Variants in PIGN observed in about 807,000 individuals in gnomAD.
The protein encoded by PIGN is GPI ethanolamine phosphate transferase 1.
PIGN carries 117 observed loss-of-function variants against 125.4 expected under a neutral mutation model. The ratio of observed to expected loss-of-function variants is 0.93; its 90% CI spans 0.80 to 1.09. PIGN has a LOEUF of 1.09. Among genes scored for constraint, PIGN ranks in the 50% least tolerant of loss-of-function variants. The pLI is 0.00. For missense variants in PIGN, 1,075 were observed against 1,094.9 expected, an observed-to-expected ratio of 0.98 and a Z score of 0.26; for synonymous variants, 392 against 377.8, an observed-to-expected ratio of 1.04 and a Z score of -0.44.
chr18:62,143,407 G>A (rs754512550), intron 10 of PIGN, 61 bp from the exon 11 acceptor site: 1 of 1,063,294 alleles, frequency 9.4e-7, no homozygotes, highest in Admixed American at 2.0e-5. Flanking sequence ...TAAATCATTT[G>A]ATTTTTAGGA....
chr18:62,031,459 T>C (rs1168199994), intron 23 of PIGN, among the ~76,000 whole-genome samples: 1 of 152,144 alleles, frequency 6.6e-6, no homozygotes, highest in African/African-American at 2.4e-5. Flanking sequence ...GAATAAAAAG[T>C]AGGGATGAAC....
chr18:62,054,120 C>T (rs1403387864), intron 30 of PIGN, among the ~76,000 whole-genome samples: 1 of 152,186 alleles, frequency 6.6e-6, no homozygotes. Context: ...GAAGCAGACC[C>T]ATGCAAATCT....
chr18:62,131,376 A>AT (rs1312211863), intron 14 of PIGN, among the ~76,000 whole-genome samples: 3 of 151,938 alleles, frequency 2.0e-5, no homozygotes, highest in African/African-American at 7.2e-5. Context: ...ATTCTGTGGC[A>AT]TTTTTTCTTT....
At chr18:62,141,138 C>G (rs932342740) in intron 11 of PIGN, among the ~76,000 whole-genome samples, 1 of 152,150 alleles carries the variant, frequency 6.6e-6, no homozygotes, top group African/African-American at 2.4e-5. Context: ...ATCTAATTGA[C>G]TATGTTTATG....
At chr18:62,105,992 T>A (rs2146415418) in intron 19 of PIGN, among the ~76,000 whole-genome samples, 1 of 152,266 alleles carries the variant, frequency 6.6e-6, no homozygotes, top group East Asian at 1.9e-4. Context: ...CCATGACAAG[T>A]AAATAAAATA....
At chr18:62,119,729 A>G (rs2146726692) in intron 14 of PIGN, among the ~76,000 whole-genome samples, 1 of 152,100 alleles carries the variant, frequency 6.6e-6, no homozygotes, top group African/African-American at 2.4e-5. Flanking sequence ...CTTTAAACCC[A>G]GCTACTCAGG....
At chr18:62,102,259 C>A (rs930431149) in intron 21 of PIGN, among the ~76,000 whole-genome samples, 1 of 147,682 alleles carries the variant, frequency 6.8e-6, no homozygotes, top group Admixed American at 6.9e-5. Flanking sequence ...AAAAAAACCA[C>A]ACAAACTGAA....
chr18:62,135,668 G>A (rs1174200678), intron 14 of PIGN: 1 of 140,178 alleles, frequency 7.1e-6, no homozygotes, highest in Non-Finnish European at 1.5e-5. Context: ...CTGTTGCTCA[G>A]GCTGGAGTGC....
At chr18:62,116,579 T>C (rs1157489506) in intron 14 of PIGN, among the ~76,000 whole-genome samples, 1 of 152,234 alleles carries the variant, frequency 6.6e-6, no homozygotes, top group Non-Finnish European at 1.5e-5. Flanking sequence ...CTTTATGGTC[T>C]ACTCCAAATC....
At chr18:62,077,710 T>C (rs1223850403) in intron 28 of PIGN, among the ~76,000 whole-genome samples, 1 of 152,198 alleles carries the variant, frequency 6.6e-6, no homozygotes, top group African/African-American at 2.4e-5. Context: ...TTCTCACTCC[T>C]TAAACAAAAG....
intron 4 of PIGN, among the ~76,000 whole-genome samples, chr18:62,160,595 C>A (rs1423140960): frequency 6.6e-6 from 1 of 151,826 alleles, no homozygotes; most frequent in East Asian, 1.9e-4. Flanking sequence ...CGGCTCACTG[C>A]AACCTCTGCC....
At chr18:62,096,057 G>A (rs1308462128) in intron 22 of PIGN, 107 bp from the exon 23 acceptor site, 1 of 572,108 alleles carries the variant, frequency 1.7e-6, no homozygotes, top group African/African-American at 1.9e-5. Flanking sequence ...CACTTTGGGA[G>A]GCCGAGGTGG....
At chr18:62,157,635 A>G (rs2036786320) in intron 5 of PIGN, 52 bp downstream of exon 5, 1 of 1,524,930 alleles carries the variant, frequency 6.6e-7, no homozygotes, top group African/African-American at 1.4e-5. Flanking sequence ...TAAAGGACTA[A>G]TATTTACTTG....
At chr18:62,074,414 C>A (rs568096438) in intron 29 of PIGN, among the ~76,000 whole-genome samples, 2 of 152,188 alleles carry the variant, frequency 1.3e-5, no homozygotes, top group South Asian at 4.1e-4. Flanking sequence ...TTCCCTCCCT[C>A]TTTTCCTTTC....
At chr18:62,183,843 T>TAA (rs11402487) in intron 1 of PIGN, among the ~76,000 whole-genome samples, 101 of 146,768 alleles carry the variant, frequency 6.9e-4, no homozygotes, top group East Asian at 2.5e-3. Flanking sequence ...GAAAATACTT[T>TAA]AAAAAAAAAA....
intron 1 of PIGN, among the ~76,000 whole-genome samples, chr18:62,182,526 G>T (rs987535918): frequency 6.6e-6 from 1 of 152,010 alleles, no homozygotes; most frequent in Admixed American, 6.6e-5. Context: ...TGTGTTTCTT[G>T]AATCTGTTCA....
chr18:62,081,499 T>C (rs1467994227), intron 28 of PIGN, among the ~76,000 whole-genome samples: 1 of 152,186 alleles, frequency 6.6e-6, no homozygotes. Context: ...GAGCCACCTT[T>C]GCCTCAGTTC....
At chr18:62,168,403 A>T (rs1388453934) in intron 1 of PIGN, among the ~76,000 whole-genome samples, 1 of 151,672 alleles carries the variant, frequency 6.6e-6, no homozygotes, top group East Asian at 1.9e-4. Context: ...CATTTCCCCT[A>T]TTTGTTCTTT....
At chr18:62,088,945 C>T (rs1256571698) in intron 24 of PIGN, 103 bp from the exon 25 acceptor site, 5 of 655,664 alleles carry the variant, frequency 7.6e-6, no homozygotes, top group African/African-American at 1.8e-5. Flanking sequence ...TAGAAACATG[C>T]CCTGTGCTGA....
Sources: allele counts gnomAD v4.1 joint callset (sites outside exome capture counted in the v4.1 genomes callset), GRCh38; gene constraint gnomAD v4.1.1; transcripts MANE v1.5; gene names NCBI Gene and HGNC (gene_info 2026-07-23, HGNC 2026-07-21).